The following UBE3C variants were observed in gnomAD, a reference collection of about 807,000 sequenced individuals.
UBE3C encodes the protein ubiquitin protein ligase E3C.
UBE3C carries 42 observed loss-of-function variants against 129.4 expected under a neutral mutation model. That is an observed-to-expected ratio of 0.32 (90% CI 0.25 to 0.42). The LOEUF is 0.42. Among genes scored for constraint, UBE3C ranks in the 10% least tolerant of loss-of-function variants. UBE3C has a pLI of 1.00. For missense variants in UBE3C, 1,049 were observed against 1,319.1 expected, an observed-to-expected ratio of 0.80 and a Z score of 3.17; for synonymous variants, 510 against 492.4, an observed-to-expected ratio of 1.04 and a Z score of -0.47.
intron 18 of UBE3C, among the ~76,000 whole-genome samples, chr7:157,243,298 C>T (rs1417831961): frequency 6.6e-6 from 1 of 152,102 alleles, no homozygotes; most frequent in African/African-American, 2.4e-5. Flanking sequence ...AGAAAAGGTA[C>T]GAGCACTGTG....
intron 8 of UBE3C, 135 bp from the exon 9 acceptor site, chr7:157,183,742 AT>A: frequency 9.1e-7 from 1 of 1,099,458 alleles, no homozygotes; most frequent in Non-Finnish European, 1.3e-6. Context: ...GTTTCCTATT[AT>A]AACACAGTTA....
Position 157,254,145 on chromosome 7 carries a change from A to G in UBE3C, c.2883+3A>G, listed in dbSNP as rs1233066176. On this transcript the variant is annotated splice_donor_region_variant and intron_variant, in intron 20 of 22. Transcript: ENST00000348165. ...TGTTTGATCAGCAAGAAATTCAGGT[A>G]CCCTACCTGCTGACTTTCTGGGACA... 1 of 1,610,900 alleles carries G rather than the reference A, an allele frequency of 6.2e-7. No homozygotes were observed. The highest frequency in any genetic ancestry group is 2.2e-5 in the East Asian group (1 of 44,782).
intron 15 of UBE3C, 30 bp downstream of exon 15, chr7:157,220,806 G>A (rs770260656): frequency 1.2e-6 from 2 of 1,609,550 alleles, no homozygotes; most frequent in Admixed American, 3.3e-5. Context: ...GGGTTACTGA[G>A]GTATGAATTA....
At chr7:157,192,919 C>A in intron 10 of UBE3C, 1 of 668,368 alleles carries the variant, frequency 1.5e-6, no homozygotes, top group Non-Finnish European at 2.6e-6. Context: ...GTGAATGCCA[C>A]TTTCCCCCAT....
At chr7:157,267,282 CATG>C (rs1797104217) in intron 22 of UBE3C, among the ~76,000 whole-genome samples, 1 of 152,078 alleles carries the variant, frequency 6.6e-6, no homozygotes, top group Non-Finnish European at 1.5e-5. Flanking sequence ...ATTAGCCAGG[CATG>C]GTGGCAGGCA....
At chr7:157,231,919 G>GTT (rs1796032364) in intron 18 of UBE3C, 1 of 152,364 alleles carries the variant, frequency 6.6e-6, no homozygotes, top group African/African-American at 2.4e-5. Flanking sequence ...CACTCTTTGG[G>GTT]GGGGGAGGGA....
At position 157,268,395 on chromosome 7, in the gene UBE3C, AC is replaced by A. The variant is rs1797135829; in HGVS notation, c.*641del. ...GCCTGCCTCATGATGGTTTGGAGAT[AC>A]TGTCTGTGGATGTGAGGTGGGGACT... On this transcript the variant is annotated 3_prime_UTR_variant, in exon 23 of 23. Transcript: ENST00000348165. The A allele has an allele frequency of 6.5e-6, 1 of 152,786 alleles. No individual in the cohort carries two copies. The highest frequency in any genetic ancestry group is 2.4e-5 in the African/African-American group (1 of 41,568). 9.5% of individuals were successfully genotyped at this position (152,786 alleles called of 1,614,324 possible). A position where few individuals can be genotyped will look rare whatever the true frequency, so the allele number is the denominator to read the frequency against.
intron 18 of UBE3C, among the ~76,000 whole-genome samples, chr7:157,245,675 G>A (rs1235767615): frequency 2.0e-5 from 3 of 152,086 alleles, no homozygotes; most frequent in East Asian, 1.9e-4. Context: ...ATAATACTTT[G>A]GTTTACCTGG....
intron 10 of UBE3C, among the ~76,000 whole-genome samples, chr7:157,189,707 A>AT (rs1344147089): frequency 6.6e-6 from 1 of 151,914 alleles, no homozygotes; most frequent in Non-Finnish European, 1.5e-5. Flanking sequence ...TATTCATGTG[A>AT]TTTTTCCTTT....
intron 1 of UBE3C, among the ~76,000 whole-genome samples, chr7:157,149,173 C>T (rs1187008546): frequency 3.9e-5 from 6 of 152,188 alleles, no homozygotes; most frequent in Non-Finnish European, 7.3e-5. Context: ...TCTCCTGCCT[C>T]TGCCTCCGGA....
At chr7:157,252,840 T>C (rs1796652615) in intron 19 of UBE3C, among the ~76,000 whole-genome samples, 1 of 152,248 alleles carries the variant, frequency 6.6e-6, no homozygotes, top group Non-Finnish European at 1.5e-5. Context: ...TTTTATATTT[T>C]CATTGTCCAC....
intron 1 of UBE3C, among the ~76,000 whole-genome samples, chr7:157,159,170 C>T (rs942145664): frequency 2.0e-5 from 3 of 152,126 alleles, no homozygotes; most frequent in Non-Finnish European, 4.4e-5. Context: ...AGAAGAGTGT[C>T]ACATCTTTGT....
At position 157,198,596 on chromosome 7, in the gene UBE3C, G is replaced by A. The variant is rs548499685; in HGVS notation, c.1332-3125G>A. 148 of 260,038 alleles carry A rather than the reference G, an allele frequency of 5.7e-4. 1 individual carries two copies. Among genetic ancestry groups the A allele is most frequent in the Non-Finnish European group, 1.1e-3 (142 of 134,624 alleles). 16.1% of individuals were successfully genotyped at this position (260,038 alleles called of 1,614,324 possible). A position where few individuals can be genotyped will look rare whatever the true frequency, so the allele number is the denominator to read the frequency against. On this transcript the variant is annotated intron_variant, in intron 10 of 22. Coordinates refer to ENST00000348165, the MANE Select transcript of UBE3C (RefSeq NM_014671.3). The stretch of plus-strand genomic sequence containing the variant: ...GTCACCCAGGCTGAAGTGCAGTGGC[G>A]CCATCTCGGCTCACTGCAACCTCCA...
At chr7:157,169,214 T>C (rs1808299336) in intron 3 of UBE3C, 92 bp downstream of exon 3, 6 of 902,396 alleles carry the variant, frequency 6.6e-6, no homozygotes, top group South Asian at 6.2e-5. Context: ...TTGAAGTCAA[T>C]GCTGACAGTA....
At chr7:157,256,892 G>A (rs370029145) in intron 21 of UBE3C, 22 bp from the exon 22 acceptor site, 17 of 1,613,576 alleles carry the variant, frequency 1.1e-5, no homozygotes, top group South Asian at 7.7e-5. Context: ...ATTTCATAAA[G>A]CATGTGTTCA....
At chr7:157,176,380 T>TTCTCCTGCTTCAGCCTC (rs2116905088) in intron 5 of UBE3C, among the ~76,000 whole-genome samples, 1 of 152,322 alleles carries the variant, frequency 6.6e-6, no homozygotes, top group African/African-American at 2.4e-5. Context: ...GTTCAAGCAG[T>TTCTCCTGCTTCAGCCTC]TCTCCTGCTT....
chr7:157,150,653 ATTAAT>A (rs751217516), intron 1 of UBE3C, among the ~76,000 whole-genome samples: 1 of 152,238 alleles, frequency 6.6e-6, no homozygotes, highest in Non-Finnish European at 1.5e-5. Context: ...AATGTCTGTC[ATTAAT>A]TTATTAACAT....
At chr7:157,169,169 T>C (rs1184825116) in intron 3 of UBE3C, 47 bp downstream of exon 3, 3 of 1,446,324 alleles carry the variant, frequency 2.1e-6, no homozygotes, top group Middle Eastern at 1.8e-4. Context: ...TGGGAGAGCT[T>C]ATTTTAAATA....
At chr7:157,203,881 T>A (rs1238754907) in intron 11 of UBE3C, among the ~76,000 whole-genome samples, 2 of 152,148 alleles carry the variant, frequency 1.3e-5, no homozygotes, top group African/African-American at 2.4e-5. Flanking sequence ...TGAAATGCAT[T>A]CAAGACACCC....
Sources: gnomAD v4.1 joint callset for allele counts (sites outside exome capture counted in the v4.1 genomes callset) on GRCh38, gnomAD v4.1.1 for gene constraint, MANE v1.5 for transcripts, NCBI Gene and HGNC (gene_info 2026-07-23, HGNC 2026-07-21) for gene names.